TMEFF2: variants seen among roughly 807,000 people sequenced by gnomAD.
TMEFF2 encodes the protein tomoregulin-2.
Under a neutral mutation model 53.8 loss-of-function variants are expected in TMEFF2, and 28 were observed. That is an observed-to-expected ratio of 0.52 (90% CI 0.39 to 0.71). The LOEUF (loss-of-function observed/expected upper bound fraction) is 0.71. TMEFF2 is among the 30% of genes least tolerant of loss of function. The pLI is 0.00. For synonymous variants in TMEFF2, 162 were observed against 166.3 expected, an observed-to-expected ratio of 0.97 and a Z score of 0.20; for missense variants, 353 against 455.2, an observed-to-expected ratio of 0.78 and a Z score of 2.04.
At chr2:192,101,160 C>T (rs902781765) in intron 4 of TMEFF2, among the ~76,000 whole-genome samples, 1 of 152,114 alleles carries the variant, frequency 6.6e-6, no homozygotes. Flanking sequence ...TACTGTGTTT[C>T]AGCAGCTTAG....
intron 5 of TMEFF2, among the ~76,000 whole-genome samples, chr2:192,013,930 A>G (rs1686691044): frequency 6.6e-6 from 1 of 152,266 alleles, no homozygotes; most frequent in African/African-American, 2.4e-5. Context: ...TACATTCTGA[A>G]TTTAAAATAT....
At chr2:192,011,222 A>C (rs886478396) in intron 5 of TMEFF2, among the ~76,000 whole-genome samples, 1 of 152,222 alleles carries the variant, frequency 6.6e-6, no homozygotes, top group Non-Finnish European at 1.5e-5. Context: ...CTGGACACTT[A>C]CAAATCACTG....
intron 4 of TMEFF2, among the ~76,000 whole-genome samples, chr2:192,119,823 G>A (rs1574389887): frequency 6.6e-6 from 1 of 152,132 alleles, no homozygotes; most frequent in Admixed American, 6.5e-5. Context: ...TGTAGGTGTT[G>A]TATGCCTTCA....
At chr2:192,028,664 G>A (rs1396141390) in intron 5 of TMEFF2, 2 of 152,014 alleles carry the variant, frequency 1.3e-5, no homozygotes, top group South Asian at 2.1e-4. Context: ...GGTAGAATGC[G>A]TGAGCATCAT....
chr2:192,008,329 T>C (rs1217946792), intron 5 of TMEFF2, among the ~76,000 whole-genome samples: 1 of 152,210 alleles, frequency 6.6e-6, no homozygotes, highest in Non-Finnish European at 1.5e-5. Context: ...GTGCATATGA[T>C]AGATGGAAGC....
intron 4 of TMEFF2, among the ~76,000 whole-genome samples, chr2:192,164,049 C>T: frequency 6.6e-6 from 1 of 152,238 alleles, no homozygotes; most frequent in East Asian, 1.9e-4. Flanking sequence ...GCTTTCTTTG[C>T]ACCTACTCTT....
rs184483754 is a variant in TMEFF2, at chr2:192,184,275, G to C, written c.412+79C>G. 6 of 1,522,758 alleles carry C rather than the reference G, an allele frequency of 3.9e-6. No individual in the cohort carries two copies. In the Admixed American group the frequency reaches 7.0e-5, roughly 18 times the overall value. The allele number at this position is 1,522,758 out of a possible 1,614,324, so 94.3% of individuals were successfully genotyped here. ...AACATATAATCTGAATTATTTATTGGGAGATAACAAGAAATGAAAGACATG... is the reference window on the plus strand; with the variant it reads ...AACATATAATCTGAATTATTTATTGCGAGATAACAAGAAATGAAAGACATG... On this transcript the variant is annotated intron_variant, in intron 3 of 9. Coordinates refer to ENST00000272771, the MANE Select transcript of TMEFF2 (RefSeq NM_016192.4).
At chr2:192,031,597 C>A (rs1441828457) in intron 5 of TMEFF2, 1 of 152,136 alleles carries the variant, frequency 6.6e-6, no homozygotes, top group East Asian at 1.9e-4. Context: ...TTATAAAAAT[C>A]CTGTGGGTAA....
chr2:192,138,813 A>G (rs1194449687), intron 4 of TMEFF2, among the ~76,000 whole-genome samples: 1 of 152,212 alleles, frequency 6.6e-6, no homozygotes, highest in Non-Finnish European at 1.5e-5. Context: ...GAAAGCATCC[A>G]TGACATTTTA....
chr2:191,951,435 TA>T lies in TMEFF2; in HGVS notation c.1029-1029del, dbSNP rs141631257. On this transcript the variant is annotated intron_variant, in intron 9 of 9. Transcript: ENST00000272771. ...TGATGCAAAAGAGAAAAGATTTTTT[TA>T]AAAAAAGAAAGTAGAAAGAAGGAGA... is the stretch of plus-strand genomic sequence containing the variant. Among the ~76,000 whole-genome samples, 301 of 151,872 alleles carry T rather than the reference TA, an allele frequency of 2.0e-3. 3 individuals are homozygous for T. Among genetic ancestry groups the T allele is most frequent in the Middle Eastern group, 0.017 (5 of 292 alleles).
At chr2:192,131,819 C>A (rs899507323) in intron 4 of TMEFF2, among the ~76,000 whole-genome samples, 5 of 152,152 alleles carry the variant, frequency 3.3e-5, no homozygotes, top group African/African-American at 1.2e-4. Context: ...TGCCGCTTGA[C>A]CCCAATACAA....
intron 5 of TMEFF2, among the ~76,000 whole-genome samples, chr2:192,003,939 C>G (rs1463670594): frequency 7.8e-5 from 10 of 128,664 alleles, no homozygotes; most frequent in African/African-American, 1.2e-4. Context: ...GGGGGGGGGG[C>G]TCACACTCAC....
chr2:192,171,547 C>T (rs1559156221), intron 4 of TMEFF2, among the ~76,000 whole-genome samples: 1 of 151,926 alleles, frequency 6.6e-6, no homozygotes, highest in Non-Finnish European at 1.5e-5. Flanking sequence ...TTGAGGGTCA[C>T]TCCCACTCTT....
At chr2:191,974,940 CACAAAGACTCAGGTT>C (rs1377298360) in intron 7 of TMEFF2, among the ~76,000 whole-genome samples, 2 of 151,926 alleles carry the variant, frequency 1.3e-5, no homozygotes, top group African/African-American at 4.8e-5. Context: ...GAGCCTCAAG[CACAAAGACTCAGGTT>C]ACAAAGAGAT....
intron 4 of TMEFF2, among the ~76,000 whole-genome samples, chr2:192,170,231 C>T (rs547257288): frequency 7.9e-5 from 12 of 152,018 alleles, no homozygotes; most frequent in Non-Finnish European, 1.6e-4. Context: ...GTCCTTTCAA[C>T]GAGTTGCCAC....
At chr2:191,955,174 G>A (rs62181489) in intron 8 of TMEFF2, among the ~76,000 whole-genome samples, 92 of 1,990 alleles carry the variant, frequency 0.046, 3 homozygotes, top group East Asian at 0.27. Context: ...GGAGAGAGAG[G>A]GAGAGAGAGA....
chr2:192,008,652 T>G (rs1022435944), intron 5 of TMEFF2, among the ~76,000 whole-genome samples: 2 of 152,038 alleles, frequency 1.3e-5, no homozygotes, highest in African/African-American at 4.8e-5. Flanking sequence ...GAATAAAAAG[T>G]TGGAAGGAAA....
At chr2:192,050,639 G>A (rs1687745902) in intron 5 of TMEFF2, among the ~76,000 whole-genome samples, 1 of 152,104 alleles carries the variant, frequency 6.6e-6, no homozygotes, top group African/African-American at 2.4e-5. Flanking sequence ...ACTGCAGAGA[G>A]AAGTTTGGAT....
At chr2:191,971,478 T>C (rs1440943181) in intron 7 of TMEFF2, among the ~76,000 whole-genome samples, 1 of 152,200 alleles carries the variant, frequency 6.6e-6, no homozygotes, top group African/African-American at 2.4e-5. Context: ...GAGCGAAATA[T>C]GACATTGATA....
Sources: gnomAD v4.1 joint callset for allele counts (sites outside exome capture counted in the v4.1 genomes callset) on GRCh38, gnomAD v4.1.1 for gene constraint, MANE v1.5 for transcripts, NCBI Gene and HGNC (gene_info 2026-07-23, HGNC 2026-07-21) for gene names.